DTNBP1: variants seen among roughly 807,000 people sequenced by gnomAD.
The protein encoded by DTNBP1 is dystrobrevin binding protein 1.
Under a neutral mutation model 42.8 loss-of-function variants are expected in DTNBP1, and 35 were observed. The ratio of observed to expected loss-of-function variants is 0.82; its 90% CI spans 0.63 to 1.09. The LOEUF (loss-of-function observed/expected upper bound fraction) is 1.09. Among genes scored for constraint, DTNBP1 ranks in the 50% least tolerant of loss-of-function variants. DTNBP1 has a pLI of 0.00. For missense variants in DTNBP1, 457 were observed against 424.2 expected (o/e 1.08, Z -0.68); for synonymous variants, 171 against 162.2 (o/e 1.05, Z -0.41).
At chr6:15,584,837 T>C (rs1025754146) in intron 7 of DTNBP1, among the ~76,000 whole-genome samples, 1 of 148,618 alleles carries the variant, frequency 6.7e-6, no homozygotes, top group Non-Finnish European at 1.5e-5. Context: ...GCAATCACTA[T>C]TAAAAATTAT....
chr6:15,524,650 T>C lies in DTNBP1; in HGVS notation c.687A>G (p.Ser229=), dbSNP rs765167750. 4 of 1,613,538 alleles carry C rather than the reference T, an allele frequency of 2.5e-6. No homozygotes were observed. The highest frequency in any genetic ancestry group is 3.3e-5 in the Admixed American group (2 of 60,032). ...GCATGTCCACGTTCACTTCCATGGA[T>C]GACATGCTGCCTATGGGCTCTGCGG... The part of the protein sequence containing the change: ...AERREPIGSM[S]SMEVNVDMLE... The change falls in exon 9 of 10, where the codon TCA becomes TCG. Residue 229 remains serine, a synonymous_variant. Transcript: ENST00000344537.
At chr6:15,559,457 AAGT>A (rs1196859838) in intron 7 of DTNBP1, among the ~76,000 whole-genome samples, 1 of 152,200 alleles carries the variant, frequency 6.6e-6, no homozygotes, top group Non-Finnish European at 1.5e-5. Context: ...GTGTGATGAA[AAGT>A]AGATTTTATG....
intron 3 of DTNBP1, among the ~76,000 whole-genome samples, chr6:15,648,791 T>C (rs1581434676): frequency 1.3e-5 from 2 of 152,114 alleles, no homozygotes; most frequent in East Asian, 1.9e-4. Context: ...TACTTAACAT[T>C]GTTATCTGTA....
intron 7 of DTNBP1, among the ~76,000 whole-genome samples, chr6:15,541,300 CA>C (rs1561946358): frequency 6.8e-6 from 1 of 148,090 alleles, no homozygotes; most frequent in Non-Finnish European, 1.5e-5. Context: ...AGAAAACAAC[CA>C]AATATGGGAG....
intron 7 of DTNBP1, among the ~76,000 whole-genome samples, chr6:15,584,728 T>C (rs944643461): frequency 1.6e-5 from 2 of 128,308 alleles, no homozygotes; most frequent in East Asian, 2.1e-4. Flanking sequence ...TTTTTTTTTT[T>C]CATTTACAGA....
chr6:15,536,878 C>G (rs1226706997), intron 7 of DTNBP1, among the ~76,000 whole-genome samples: 2 of 152,236 alleles, frequency 1.3e-5, no homozygotes, highest in African/African-American at 2.4e-5. Context: ...CCCCTGTAAC[C>G]TGGAAGTAAG....
rs138533170 is a variant in DTNBP1, at chr6:15,648,957, CAG to C, written c.161+2354_161+2355del. On this transcript the variant is annotated intron_variant, in intron 3 of 9. Transcript: ENST00000344537. ...CAAGAAAAACTCTTAGAAGAAAACA[CAG>C]GGGAAAATCCTCATACTCATTAGAG... Among the ~76,000 whole-genome samples, 1,297 of 152,024 alleles carry C rather than the reference CAG, an allele frequency of 8.5e-3. 26 individuals carry two copies. Among genetic ancestry groups the C allele is most frequent in the African/African-American group, 0.03 (1,225 of 41,486 alleles).
At chr6:15,619,904 T>C (rs1340233627) in intron 5 of DTNBP1, among the ~76,000 whole-genome samples, 2 of 147,236 alleles carry the variant, frequency 1.4e-5, no homozygotes, top group African/African-American at 4.9e-5. Flanking sequence ...GTAGGTCTTA[T>C]TCCTTTTTTT....
chr6:15,552,918 GAAC>G (rs1016089638), intron 7 of DTNBP1, among the ~76,000 whole-genome samples: 2 of 152,106 alleles, frequency 1.3e-5, no homozygotes, highest in Non-Finnish European at 2.9e-5. Context: ...TGAAATGAGT[GAAC>G]AACGATTAAT....
chr6:15,552,214 A>G (rs1159742573), intron 7 of DTNBP1, among the ~76,000 whole-genome samples: 1 of 152,220 alleles, frequency 6.6e-6, no homozygotes, highest in East Asian at 1.9e-4. Context: ...AAAGCTGGCC[A>G]GGAAATCTGT....
intron 6 of DTNBP1, among the ~76,000 whole-genome samples, chr6:15,599,151 T>G (rs948431900): frequency 6.6e-6 from 1 of 152,178 alleles, no homozygotes; most frequent in African/African-American, 2.4e-5. Context: ...CTATTTTACA[T>G]GAAAATCTAT....
chr6:15,543,108 C>T (rs1773673169), intron 7 of DTNBP1, among the ~76,000 whole-genome samples: 1 of 152,094 alleles, frequency 6.6e-6, no homozygotes, highest in Admixed American at 6.5e-5. Flanking sequence ...GTGAAAGTCC[C>T]TATTTTAGGG....
chr6:15,577,918 C>T (rs1581349560), intron 7 of DTNBP1, among the ~76,000 whole-genome samples: 1 of 152,228 alleles, frequency 6.6e-6, no homozygotes. Flanking sequence ...ATATTGTAGC[C>T]AACATAATTT....
intron 7 of DTNBP1, chr6:15,546,169 A>C: frequency 5.8e-6 from 2 of 342,084 alleles, no homozygotes; most frequent in South Asian, 4.6e-5. Flanking sequence ...GGGTTCAAGC[A>C]ATTCTCCTGC....
chr6:15,569,457 CA>C (rs1245135285), intron 7 of DTNBP1, among the ~76,000 whole-genome samples: 1 of 151,646 alleles, frequency 6.6e-6, no homozygotes, highest in African/African-American at 2.4e-5. Context: ...CAATGATCCC[CA>C]GACATCAGCC....
intron 9 of DTNBP1, chr6:15,523,540 G>A (rs993832937): frequency 2.8e-5 from 35 of 1,265,820 alleles, no homozygotes; most frequent in Middle Eastern, 3.4e-4. Flanking sequence ...AGCAGTCCTT[G>A]TAACCTTGAT....
intron 5 of DTNBP1, among the ~76,000 whole-genome samples, chr6:15,616,750 C>T (rs895026920): frequency 6.6e-6 from 1 of 152,054 alleles, no homozygotes; most frequent in African/African-American, 2.4e-5. Context: ...CAAATTTTTG[C>T]CGTTTTTTGA....
intron 4 of DTNBP1, among the ~76,000 whole-genome samples, chr6:15,630,655 C>T (rs781681927): frequency 1.3e-5 from 2 of 152,150 alleles, no homozygotes; most frequent in Non-Finnish European, 2.9e-5. Context: ...CGGTGGCTCA[C>T]GCCTGTAATC....
Position 15,589,498 on chromosome 6 carries a change from G to C in DTNBP1, c.511+3561C>G, listed in dbSNP as rs144691075. ...AATCATTTCAATCATAGTCTCACTA[G>C]CATCCATGGTTACCATGCCTGCTGG... On this transcript the variant is annotated intron_variant, in intron 7 of 9. Transcript: ENST00000344537. Among the ~76,000 whole-genome samples the C allele has an allele frequency of 6.6e-4, 100 of 152,290 alleles. 1 individual carries two copies. Among genetic ancestry groups the C allele is most frequent in the Middle Eastern group, 3.4e-3 (1 of 294 alleles).
Sources: allele counts gnomAD v4.1 joint callset (sites outside exome capture counted in the v4.1 genomes callset), GRCh38; gene constraint gnomAD v4.1.1; transcripts MANE v1.5; gene names NCBI Gene and HGNC (gene_info 2026-07-23, HGNC 2026-07-21).